The following ANKFN1 variants were observed in gnomAD, a reference collection of about 807,000 sequenced individuals.
ANKFN1 encodes the protein ankyrin repeat and fibronectin type-III domain-containing protein 1.
A neutral mutation model predicts 108.7 loss-of-function variants in ANKFN1; 74 were observed. That is an observed-to-expected ratio of 0.68 (90% CI 0.56 to 0.83). The LOEUF (loss-of-function observed/expected upper bound fraction) is 0.83, where lower values mean the gene tolerates loss of function less well. Ranked by LOEUF, ANKFN1 falls within the 40% of genes least tolerant of loss-of-function variation. The probability of loss-of-function intolerance (pLI) is 0.00; values close to 1 mark genes in which losing one functional copy is unlikely to be tolerated. For missense variants in ANKFN1, 1,505 were observed against 1,382.3 expected (o/e 1.09, Z -1.41); for synonymous variants, 547 against 516.2 (o/e 1.06, Z -0.81).
At chr17:56,141,049 T>G (rs1907889289) in intron 4 of ANKFN1, among the ~76,000 whole-genome samples, 1 of 152,186 alleles carries the variant, frequency 6.6e-6, no homozygotes, top group Non-Finnish European at 1.5e-5. Context: ...GCTTTCTGGA[T>G]GTGCACCCAG....
chr17:56,128,716 T>C (rs1907088327), intron 4 of ANKFN1, among the ~76,000 whole-genome samples: 1 of 152,232 alleles, frequency 6.6e-6, no homozygotes, highest in Non-Finnish European at 1.5e-5. Context: ...AAGAAACCTA[T>C]GTCACTTTAC....
At chr17:56,241,463 A>G (rs2144000777) in intron 3 of ANKFN1, among the ~76,000 whole-genome samples, 1 of 152,168 alleles carries the variant, frequency 6.6e-6, no homozygotes, top group Non-Finnish European at 1.5e-5. Context: ...TGCTTTCCAT[A>G]TGTCTGGATC....
intron 4 of ANKFN1, among the ~76,000 whole-genome samples, chr17:56,053,007 G>A (rs111798995): frequency 5.9e-5 from 9 of 152,142 alleles, no homozygotes; most frequent in African/African-American, 2.2e-4. Context: ...ATGTAAAAGA[G>A]CATTGAAACA....
chr17:56,434,108 G>C (rs2048852981), intron 8 of ANKFN1, among the ~76,000 whole-genome samples: 3 of 152,160 alleles, frequency 2.0e-5, no homozygotes, highest in Admixed American at 2.0e-4. Flanking sequence ...AAATGGTTCA[G>C]ACTATGGAGG....
rs894869230 is a variant in ANKFN1, at chr17:56,511,481, A to G, written c.*212A>G. Reference sequence around the variant, plus strand: ...GTGCCATTCCCACTTCAGCCTAGAAAGGGCATGGGGGAGTTGTGTCAACAT... The same window carrying G: ...GTGCCATTCCCACTTCAGCCTAGAAGGGGCATGGGGGAGTTGTGTCAACAT... On this transcript the variant is annotated 3_prime_UTR_variant, in exon 21 of 21. Coordinates refer to ENST00000682825, the MANE Select transcript of ANKFN1 (RefSeq NM_001370326.1). The G allele has an allele frequency of 7.9e-5, 46 of 581,904 alleles. No individual in the cohort carries two copies. The highest frequency in any genetic ancestry group is 1.3e-4 in the Non-Finnish European group (43 of 335,286). 36.0% of individuals were successfully genotyped at this position (581,904 alleles called of 1,614,324 possible). A position where few individuals can be genotyped will look rare whatever the true frequency, so the allele number is the denominator to read the frequency against.
intron 1 of ANKFN1, among the ~76,000 whole-genome samples, chr17:56,168,213 G>A (rs1347166954): frequency 6.7e-6 from 1 of 149,462 alleles, no homozygotes; most frequent in Non-Finnish European, 1.5e-5. Context: ...GTTGCAGTGA[G>A]AGGAGATCCT....
intron 8 of ANKFN1, among the ~76,000 whole-genome samples, chr17:56,388,163 G>A (rs1434477371): frequency 6.7e-6 from 1 of 149,882 alleles, no homozygotes; most frequent in Non-Finnish European, 1.5e-5. Context: ...TTTTGAGATG[G>A]AGTCTCACTC....
intron 18 of ANKFN1, among the ~76,000 whole-genome samples, chr17:56,483,671 C>A (rs978751078): frequency 6.6e-6 from 1 of 152,206 alleles, no homozygotes; most frequent in Non-Finnish European, 1.5e-5. Flanking sequence ...CCTTTCTACA[C>A]CTTTTCTGTG....
chr17:56,445,278 G>C (rs1268215970), intron 10 of ANKFN1, among the ~76,000 whole-genome samples: 1 of 152,172 alleles, frequency 6.6e-6, no homozygotes, highest in Non-Finnish European at 1.5e-5. Flanking sequence ...CCAAATGCAA[G>C]TTCTGATCTG....
chr17:56,114,299 T>C (rs988581058), intron 4 of ANKFN1, among the ~76,000 whole-genome samples: 4 of 152,032 alleles, frequency 2.6e-5, no homozygotes, highest in African/African-American at 9.7e-5. Flanking sequence ...CACCTCAAGA[T>C]AAAAATGGAA....
intron 1 of ANKFN1, among the ~76,000 whole-genome samples, chr17:56,208,190 T>G (rs1424061968): frequency 6.6e-6 from 1 of 152,232 alleles, no homozygotes; most frequent in East Asian, 1.9e-4. Flanking sequence ...TTTATATTTT[T>G]AGTAGAGATG....
intron 3 of ANKFN1, among the ~76,000 whole-genome samples, chr17:56,235,237 C>G (rs1398629053): frequency 2.0e-5 from 3 of 152,098 alleles, no homozygotes; most frequent in Admixed American, 2.0e-4. Flanking sequence ...AAGTTCCTTA[C>G]AGATGCTGGA....
chr17:56,137,642 G>A (rs573531625), intron 4 of ANKFN1, among the ~76,000 whole-genome samples: 3 of 152,188 alleles, frequency 2.0e-5, no homozygotes, highest in South Asian at 2.1e-4. Context: ...CCTACCGATC[G>A]GAGAGGGGAA....
intron 8 of ANKFN1, among the ~76,000 whole-genome samples, chr17:56,383,577 C>T (rs1189714441): frequency 1.3e-5 from 2 of 152,030 alleles, no homozygotes; most frequent in Admixed American, 6.5e-5. Flanking sequence ...ATTGATAGAC[C>T]ACTAGCAAGA....
chr17:56,397,791 G>A (rs1339839179), intron 8 of ANKFN1, among the ~76,000 whole-genome samples: 1 of 152,188 alleles, frequency 6.6e-6, no homozygotes, highest in Non-Finnish European at 1.5e-5. Context: ...GAAGTCAGGA[G>A]GCTATTGTGC....
chr17:56,449,213 A>G (rs2049403417), intron 11 of ANKFN1, 27 bp downstream of exon 11: 5 of 1,591,204 alleles, frequency 3.1e-6, no homozygotes, highest in Non-Finnish European at 8.6e-7. Flanking sequence ...GTGCTGGGCC[A>G]TCAACTGAGG....
At chr17:56,180,639 G>A (rs1911602552) in intron 1 of ANKFN1, among the ~76,000 whole-genome samples, 1 of 152,070 alleles carries the variant, frequency 6.6e-6, no homozygotes, top group African/African-American at 2.4e-5. Flanking sequence ...CTCTCCTACA[G>A]GCAACATATA....
intron 4 of ANKFN1, among the ~76,000 whole-genome samples, chr17:56,055,568 T>TAC (rs1598084086): frequency 3.1e-5 from 3 of 96,750 alleles, no homozygotes; most frequent in East Asian, 4.8e-4. Flanking sequence ...TATATATACA[T>TAC]ATATATATAT....
At chr17:56,421,832 A>G (rs1038472240) in intron 8 of ANKFN1, among the ~76,000 whole-genome samples, 2 of 152,186 alleles carry the variant, frequency 1.3e-5, no homozygotes, top group Non-Finnish European at 2.9e-5. Flanking sequence ...TCATCAGAAT[A>G]TATTCTGTCT....
Sources: gnomAD v4.1 joint callset for allele counts (sites outside exome capture counted in the v4.1 genomes callset) on GRCh38, gnomAD v4.1.1 for gene constraint, MANE v1.5 for transcripts, NCBI Gene and HGNC (gene_info 2026-07-23, HGNC 2026-07-21) for gene names.